Variants in NEGR1 observed in about 807,000 individuals in gnomAD.
NEGR1 encodes the protein neuronal growth regulator 1.
NEGR1 carries 10 observed loss-of-function variants against 40.9 expected under a neutral mutation model. The ratio of observed to expected loss-of-function variants is 0.24; its 90% CI spans 0.15 to 0.42. The LOEUF is 0.42. Among genes scored for constraint, NEGR1 ranks in the 10% least tolerant of loss-of-function variants. The pLI, the probability that NEGR1 is intolerant of heterozygous loss-of-function variation, is 1.00. For synonymous variants in NEGR1, 185 were observed against 166.8 expected (o/e 1.11, Z -0.84); for missense variants, 352 against 438.9 (o/e 0.80, Z 1.77).
chr1:72,067,411 C>T (rs989162429), intron 1 of NEGR1, among the ~76,000 whole-genome samples: 1 of 151,956 alleles, frequency 6.6e-6, no homozygotes, highest in Non-Finnish European at 1.5e-5. Flanking sequence ...GAGCAGCAAA[C>T]AGAAGATAAA....
chr1:71,566,296 A>G (rs1359178249), intron 6 of NEGR1, among the ~76,000 whole-genome samples: 1 of 152,214 alleles, frequency 6.6e-6, no homozygotes, highest in Non-Finnish European at 1.5e-5. Context: ...GTATTTAGTC[A>G]TGAGAAAAAT....
chr1:72,017,977 G>A (rs1196815989), intron 1 of NEGR1, among the ~76,000 whole-genome samples: 1 of 152,036 alleles, frequency 6.6e-6, no homozygotes, highest in East Asian at 1.9e-4. Context: ...TAGAATATAA[G>A]CTCCATGAGG....
chr1:71,585,053 C>T (rs1649258550), intron 6 of NEGR1, among the ~76,000 whole-genome samples: 1 of 151,892 alleles, frequency 6.6e-6, no homozygotes, highest in South Asian at 2.1e-4. Flanking sequence ...ATGATTAGGC[C>T]AGCAGTGCTC....
intron 2 of NEGR1, among the ~76,000 whole-genome samples, chr1:71,779,669 G>A (rs1352020138): frequency 6.6e-6 from 1 of 152,000 alleles, no homozygotes; most frequent in African/African-American, 2.4e-5. Flanking sequence ...TCGGGTTGAA[G>A]TGATTCTCCT....
intron 2 of NEGR1, among the ~76,000 whole-genome samples, chr1:71,815,084 C>A (rs1163863924): frequency 2.6e-5 from 4 of 152,096 alleles, no homozygotes; most frequent in African/African-American, 9.7e-5. Context: ...TAGCTGTATA[C>A]CAGATATTCC....
chr1:71,932,700 C>T (rs941642860), intron 2 of NEGR1, among the ~76,000 whole-genome samples: 2 of 151,942 alleles, frequency 1.3e-5, no homozygotes, highest in South Asian at 2.1e-4. Context: ...TACAGTCTTC[C>T]CTCAGTTGCT....
At chr1:71,580,189 C>T (rs915901571) in intron 6 of NEGR1, among the ~76,000 whole-genome samples, 2 of 151,862 alleles carry the variant, frequency 1.3e-5, no homozygotes, top group African/African-American at 4.8e-5. Flanking sequence ...TCATCATTCT[C>T]AGTAAACTAT....
chr1:71,923,267 G>A (rs753195831), intron 2 of NEGR1, among the ~76,000 whole-genome samples: 1 of 151,756 alleles, frequency 6.6e-6, no homozygotes, highest in Admixed American at 6.6e-5. Flanking sequence ...GGTGATTTTC[G>A]CCCCAGCAGA....
chr1:72,077,465 G>A (rs923372735), intron 1 of NEGR1, among the ~76,000 whole-genome samples: 9 of 151,806 alleles, frequency 5.9e-5, no homozygotes, highest in Non-Finnish European at 1.2e-4. Context: ...GCCATCTCAG[G>A]GTAAATCTGA....
chr1:71,934,957 A>T, intron 2 of NEGR1, 122 bp downstream of exon 2: 1 of 660,728 alleles, frequency 1.5e-6, no homozygotes, highest in South Asian at 2.0e-5. Flanking sequence ...ATAATTCAAC[A>T]AATATTTCAA....
At chr1:71,643,877 T>G (rs1444930739) in intron 4 of NEGR1, among the ~76,000 whole-genome samples, 1 of 151,982 alleles carries the variant, frequency 6.6e-6, no homozygotes, top group Non-Finnish European at 1.5e-5. Flanking sequence ...TTGCAAAAAC[T>G]GAATCAAATT....
intron 1 of NEGR1, among the ~76,000 whole-genome samples, chr1:72,218,525 G>A (rs926504997): frequency 2.6e-5 from 4 of 151,844 alleles, no homozygotes; most frequent in African/African-American, 9.7e-5. Flanking sequence ...TTTCTTAAAT[G>A]TACAAAATGT....
intron 2 of NEGR1, among the ~76,000 whole-genome samples, chr1:71,865,669 A>G (rs1391775819): frequency 1.9e-4 from 29 of 152,254 alleles, no homozygotes; most frequent in Non-Finnish European, 7.4e-5. Flanking sequence ...GTTGATGGGT[A>G]CAGCAAACTA....
At chr1:72,129,253 T>C (rs1650149614) in intron 1 of NEGR1, among the ~76,000 whole-genome samples, 1 of 152,212 alleles carries the variant, frequency 6.6e-6, no homozygotes, top group Admixed American at 6.5e-5. Flanking sequence ...GATACTATTG[T>C]TAAACTTCAT....
intron 6 of NEGR1, among the ~76,000 whole-genome samples, chr1:71,545,873 T>A (rs954048469): frequency 6.6e-6 from 1 of 151,694 alleles, no homozygotes; most frequent in Non-Finnish European, 1.5e-5. Context: ...CCTAATTAGC[T>A]GTGTAATTTT....
At chr1:71,984,519 A>C (rs1646379223) in intron 1 of NEGR1, among the ~76,000 whole-genome samples, 1 of 152,228 alleles carries the variant, frequency 6.6e-6, no homozygotes, top group African/African-American at 2.4e-5. Context: ...CAATAAAATT[A>C]AAATTTGTAT....
intron 1 of NEGR1, among the ~76,000 whole-genome samples, chr1:72,257,834 A>G (rs534625775): frequency 6.8e-6 from 1 of 147,008 alleles, no homozygotes; most frequent in Admixed American, 6.6e-5. Context: ...ATTCATAAAG[A>G]ATGAAAATCC....
chr1:71,666,520 T>C (rs779106074), intron 4 of NEGR1, among the ~76,000 whole-genome samples: 2 of 152,156 alleles, frequency 1.3e-5, no homozygotes, highest in Non-Finnish European at 2.9e-5. Context: ...AGGTATAGAA[T>C]AGGCAGTGTT....
At chr1:72,053,218 T>A (rs1041023988) in intron 1 of NEGR1, among the ~76,000 whole-genome samples, 1 of 148,176 alleles carries the variant, frequency 6.7e-6, no homozygotes, top group African/African-American at 2.6e-5. Context: ...TTTGTTTTGA[T>A]TTTTTTTTAG....
Sources: allele counts gnomAD v4.1 joint callset (sites outside exome capture counted in the v4.1 genomes callset), GRCh38; gene constraint gnomAD v4.1.1; transcripts MANE v1.5; gene names NCBI Gene and HGNC (gene_info 2026-07-23, HGNC 2026-07-21).